Variants in PTPRN2 observed in about 807,000 individuals in gnomAD.
The protein encoded by PTPRN2 is receptor-type tyrosine-protein phosphatase N2.
PTPRN2 carries 74 observed loss-of-function variants against 118.8 expected under a neutral mutation model. That is an observed-to-expected ratio of 0.62 (90% CI 0.52 to 0.76). The LOEUF is 0.76. PTPRN2 is among the 30% of genes least tolerant of loss of function. The probability of loss-of-function intolerance (pLI) is 0.00; values close to 1 mark genes in which losing one functional copy is unlikely to be tolerated. For missense variants in PTPRN2, 1,481 were observed against 1,394.4 expected (o/e 1.06, Z -0.99); for synonymous variants, 641 against 608.0 (o/e 1.05, Z -0.80).
rs1803810098 is a variant in PTPRN2 at position 157,629,546 on chromosome 7, A to AC, written c.2197-8038dup. Among the ~76,000 whole-genome samples the AC allele has an allele frequency of 6.6e-6, 1 of 152,062 alleles. No homozygotes were observed. Among genetic ancestry groups the AC allele is most frequent in the South Asian group, 2.1e-4 (1 of 4,818 alleles). On this transcript the variant is annotated intron_variant, in intron 14 of 22. Coordinates refer to ENST00000389418, the MANE Select transcript of PTPRN2 (RefSeq NM_002847.5). The surrounding 1 kb of genome is among the most constrained non-coding windows in gnomAD (Gnocchi z 4.4). ...TCTGGCATTATTTCTCATCAATCAA[A>AC]CCACTCGTGCAGTGGAAAGTGAGTC...
At chr7:158,284,000 A>G (rs893668724) in intron 3 of PTPRN2, among the ~76,000 whole-genome samples, 3 of 152,190 alleles carry the variant, frequency 2.0e-5, no homozygotes, top group African/African-American at 7.2e-5. Context: ...ATCAGATCAC[A>G]CGTTAATCAA....
chr7:157,656,281 G>A, intron 14 of PTPRN2, 76 bp downstream of exon 14: 1 of 1,415,680 alleles, frequency 7.1e-7, no homozygotes, highest in Non-Finnish European at 9.6e-7. Context: ...AGCGGGCGCA[G>A]ATGCTGGGTG....
chr7:157,841,498 C>A (rs966582893), intron 12 of PTPRN2, among the ~76,000 whole-genome samples: 3 of 152,114 alleles, frequency 2.0e-5, no homozygotes, highest in Admixed American at 6.5e-5. Context: ...TTGAAAAGCT[C>A]CCCCAAAGGA....
intron 4 of PTPRN2, among the ~76,000 whole-genome samples, chr7:158,193,748 C>T (rs1806611): frequency 0.24 from 35,787 of 151,842 alleles, 4,800 homozygotes; most frequent in African/African-American, 0.36. Context: ...ACAGCCCCCA[C>T]GGAGGCCTTT....
chr7:158,116,286 T>C (rs576764444), intron 9 of PTPRN2, among the ~76,000 whole-genome samples: 1 of 152,366 alleles, frequency 6.6e-6, no homozygotes, highest in East Asian at 1.9e-4. Flanking sequence ...TGAATTAGTT[T>C]TGGGAAGATG....
intron 2 of PTPRN2, among the ~76,000 whole-genome samples, chr7:158,365,772 TACAC>T (rs1295512736): frequency 1.9e-5 from 1 of 52,222 alleles, no homozygotes; most frequent in Non-Finnish European, 3.7e-5. Context: ...CACACGTGCA[TACAC>T]ACACACACAC....
At chr7:158,406,925 G>A (rs1287853676) in intron 2 of PTPRN2, among the ~76,000 whole-genome samples, 2 of 152,232 alleles carry the variant, frequency 1.3e-5, no homozygotes, top group Non-Finnish European at 2.9e-5. Flanking sequence ...GGAAAATGCT[G>A]TAAATACTGG....
chr7:158,030,446 G>A (rs1807605330), intron 11 of PTPRN2: 1 of 151,144 alleles, frequency 6.6e-6, no homozygotes, highest in African/African-American at 2.4e-5. Flanking sequence ...GCACGTCTGA[G>A]TCTTGGCTCC....
intron 6 of PTPRN2, among the ~76,000 whole-genome samples, chr7:158,149,464 T>C (rs1820693276): frequency 6.6e-6 from 1 of 152,124 alleles, no homozygotes; most frequent in South Asian, 2.1e-4. Context: ...AAATCCTTAT[T>C]TTTAATCTCT....
At chr7:157,952,640 T>A (rs1800910193) in intron 11 of PTPRN2, among the ~76,000 whole-genome samples, 2 of 152,056 alleles carry the variant, frequency 1.3e-5, no homozygotes, top group Admixed American at 6.5e-5. Flanking sequence ...CAGGTGTGGC[T>A]TCTGTTCCTG....
rs528875936 is a variant in PTPRN2 at position 158,507,508 on chromosome 7, C to T, written c.113-17723G>A. The stretch of plus-strand genomic sequence containing the variant: ...GAGGAACATCCAGGGGACAGCCCTG[C>T]GCTGGGCGGGAAATCACACACATGA... On this transcript the variant is annotated intron_variant, in intron 1 of 22. Coordinates refer to ENST00000389418, the MANE Select transcript of PTPRN2 (RefSeq NM_002847.5). Among the ~76,000 whole-genome samples, 1,393 of 148,138 alleles carry T rather than the reference C, an allele frequency of 9.4e-3. 24 individuals carry two copies. Among genetic ancestry groups the T allele is most frequent in the African/African-American group, 0.032 (1,276 of 40,044 alleles).
chr7:158,579,538 C>T (rs1331855871), intron 1 of PTPRN2, among the ~76,000 whole-genome samples: 5 of 152,218 alleles, frequency 3.3e-5, no homozygotes, highest in Admixed American at 2.0e-4. Flanking sequence ...CTTTCCATTT[C>T]TCTTGACTTC....
chr7:157,982,323 A>T (rs13233334), intron 11 of PTPRN2, among the ~76,000 whole-genome samples: 4 of 6,456 alleles, frequency 6.2e-4, no homozygotes, highest in Non-Finnish European at 8.5e-4. Flanking sequence ...TCATAGAGCC[A>T]AGGAGGGGAA....
chr7:158,043,842 G>A (rs750784524), intron 11 of PTPRN2, among the ~76,000 whole-genome samples: 1 of 152,196 alleles, frequency 6.6e-6, no homozygotes, highest in Non-Finnish European at 1.5e-5. Context: ...GGGGAGAAGC[G>A]CACAGACCAT....
intron 3 of PTPRN2, among the ~76,000 whole-genome samples, chr7:158,292,280 T>C (rs1800173063): frequency 1.3e-5 from 2 of 152,222 alleles, no homozygotes; most frequent in Non-Finnish European, 2.9e-5. Context: ...AGACTGCCCC[T>C]ATTCCAGGAT....
intron 10 of PTPRN2, among the ~76,000 whole-genome samples, chr7:158,098,884 G>A (rs1205900446): frequency 1.3e-5 from 2 of 151,926 alleles, no homozygotes; most frequent in Non-Finnish European, 2.9e-5. Flanking sequence ...GGTAGAAGGT[G>A]ACAGTGCGGG....
intron 17 of PTPRN2, among the ~76,000 whole-genome samples, chr7:157,593,258 C>T (rs551443803): frequency 1.1e-4 from 15 of 133,884 alleles, no homozygotes; most frequent in East Asian, 2.3e-4. Context: ...GGTTGTTGCG[C>T]GTGGACACCG....
chr7:158,169,985 C>A (rs986528112), intron 5 of PTPRN2, among the ~76,000 whole-genome samples: 6 of 152,164 alleles, frequency 3.9e-5, no homozygotes, highest in Non-Finnish European at 7.3e-5. Flanking sequence ...AGCCACTGTG[C>A]CCAGCCATTA....
At chr7:158,417,598 C>G (rs1459994612) in intron 2 of PTPRN2, among the ~76,000 whole-genome samples, 2 of 149,532 alleles carry the variant, frequency 1.3e-5, no homozygotes, top group Non-Finnish European at 3.0e-5. Flanking sequence ...TCGAGATGCT[C>G]TAGCTCTCAG....
Sources: allele counts gnomAD v4.1 joint callset (sites outside exome capture counted in the v4.1 genomes callset), GRCh38; gene constraint gnomAD v4.1.1; non-coding constraint Gnocchi (gnomAD v3.1); transcripts MANE v1.5; gene names NCBI Gene and HGNC (gene_info 2026-07-23, HGNC 2026-07-21).